CDH13: variants seen among roughly 807,000 people sequenced by gnomAD.
CDH13 encodes cadherin-13.
A neutral mutation model predicts 63.8 loss-of-function variants in CDH13; 24 were observed. That is an observed-to-expected ratio of 0.38 (90% CI 0.27 to 0.53). The LOEUF is 0.53. CDH13 is among the 20% of genes least tolerant of loss of function. The pLI is 0.85. For synonymous variants in CDH13, 503 were observed against 355.3 expected (o/e 1.42, Z -4.67); for missense variants, 1,049 against 903.1 (o/e 1.16, Z -2.07).
chr16:82,758,533 C>T (rs747959283), intron 1 of CDH13, among the ~76,000 whole-genome samples: 2 of 151,748 alleles, frequency 1.3e-5, no homozygotes, highest in Admixed American at 6.6e-5. Context: ...GCTGATTGAG[C>T]GGAGCTGTGC....
rs75529803 is a variant in CDH13 at position 83,239,369 on chromosome 16, A to G, written c.636+21872A>G. On this transcript the variant is annotated intron_variant, in intron 5 of 13. Transcript: ENST00000567109. ...AGAGGGGAAAGCCCTTTCTAAACAC[A>G]GATTATACACCAAAGGCAATTAATA... 4.0e-4 allele frequency among the ~76,000 whole-genome samples: 61 copies of G among 152,314 alleles called. 3 individuals are homozygous for G. In the East Asian group the frequency reaches 0.011, roughly 27 times the overall value.
intron 2 of CDH13, among the ~76,000 whole-genome samples, chr16:83,030,943 TG>T (rs1330977277): frequency 4.0e-5 from 6 of 151,874 alleles, no homozygotes; most frequent in African/African-American, 1.5e-4. Context: ...CTATTCCATA[TG>T]GACTGAGCAT....
At chr16:83,411,694 T>C (rs1429720502) in intron 6 of CDH13, among the ~76,000 whole-genome samples, 2 of 152,222 alleles carry the variant, frequency 1.3e-5, no homozygotes, top group African/African-American at 4.8e-5. Flanking sequence ...TTCTCTGATA[T>C]GTCCCTAGTA....
chr16:83,387,354 C>T (rs917424018), intron 6 of CDH13, among the ~76,000 whole-genome samples: 1 of 152,078 alleles, frequency 6.6e-6, no homozygotes, highest in East Asian at 1.9e-4. Context: ...CAGCAGGTTT[C>T]GGCTCACTTC....
intron 7 of CDH13, among the ~76,000 whole-genome samples, chr16:83,496,617 T>C (rs914014111): frequency 6.6e-5 from 10 of 152,130 alleles, no homozygotes; most frequent in Admixed American, 1.3e-4. Flanking sequence ...ACTTCATGTC[T>C]AAAACACCAA....
intron 3 of CDH13, among the ~76,000 whole-genome samples, chr16:83,111,158 C>T (rs887756362): frequency 1.4e-5 from 2 of 145,722 alleles, no homozygotes; most frequent in African/African-American, 5.1e-5. Context: ...GGCGACAGAG[C>T]GGGACTCCGT....
intron 2 of CDH13, among the ~76,000 whole-genome samples, chr16:82,909,252 A>ATGTGTGTGTG (rs10527714): frequency 0.049 from 7,148 of 146,832 alleles, 235 homozygotes; most frequent in Non-Finnish European, 0.057. Flanking sequence ...CTGACTGTAT[A>ATGTGTGTGTG]TGTGTGTGTG....
chr16:82,792,044 C>T (rs1357479084), intron 1 of CDH13, among the ~76,000 whole-genome samples: 3 of 152,234 alleles, frequency 2.0e-5, no homozygotes, highest in Non-Finnish European at 2.9e-5. Context: ...TTTTGGCACC[C>T]GCTGCTGTCC....
At chr16:82,880,506 G>A (rs1333894998) in intron 2 of CDH13, among the ~76,000 whole-genome samples, 1 of 152,128 alleles carries the variant, frequency 6.6e-6, no homozygotes, top group African/African-American at 2.4e-5. Context: ...GATGGATTTA[G>A]GGAAATGGAA....
chr16:82,879,782 A>G (rs2040629262), intron 2 of CDH13, among the ~76,000 whole-genome samples: 1 of 137,632 alleles, frequency 7.3e-6, no homozygotes, highest in South Asian at 2.2e-4. Flanking sequence ...TATAATATAT[A>G]AGTATATAAA....
intron 7 of CDH13, among the ~76,000 whole-genome samples, chr16:83,584,338 TAAAA>T (rs1905937524): frequency 6.6e-6 from 1 of 152,146 alleles, no homozygotes; most frequent in South Asian, 2.1e-4. Context: ...CAAAAATTTT[TAAAA>T]AATGCATGGT....
At chr16:83,262,433 G>C (rs1466125595) in intron 5 of CDH13, among the ~76,000 whole-genome samples, 1 of 152,176 alleles carries the variant, frequency 6.6e-6, no homozygotes, top group African/African-American at 2.4e-5. Flanking sequence ...CATTTTGTTT[G>C]AAAAGAAGAA....
At chr16:83,131,854 G>A (rs1157033351) in intron 4 of CDH13, among the ~76,000 whole-genome samples, 1 of 152,152 alleles carries the variant, frequency 6.6e-6, no homozygotes, top group African/African-American at 2.4e-5. Context: ...ATGTAACTGG[G>A]CCAAGTGCTG....
intron 10 of CDH13, among the ~76,000 whole-genome samples, chr16:83,720,406 A>G (rs1909534809): frequency 6.6e-6 from 1 of 152,134 alleles, no homozygotes; most frequent in Admixed American, 6.5e-5. Context: ...CCAAGTCAGC[A>G]TTTATTGAGC....
intron 8 of CDH13, among the ~76,000 whole-genome samples, chr16:83,652,264 C>T (rs906794292): frequency 7.9e-5 from 12 of 152,198 alleles, no homozygotes; most frequent in Non-Finnish European, 1.8e-4. Flanking sequence ...TAAGTCAATT[C>T]CGTGTATGAA....
chr16:83,531,715 T>C (rs753681739), intron 7 of CDH13, among the ~76,000 whole-genome samples: 18 of 152,218 alleles, frequency 1.2e-4, no homozygotes, highest in Non-Finnish European at 1.8e-4. Flanking sequence ...ATTCAGTCTC[T>C]AGAAGCAAAA....
chr16:83,132,436 C>A (rs2036093681), intron 4 of CDH13, among the ~76,000 whole-genome samples: 4 of 90,986 alleles, frequency 4.4e-5, no homozygotes, highest in East Asian at 3.8e-4. Flanking sequence ...CCCCCACCCA[C>A]CCCCCAACAC....
chr16:83,305,013 G>C (rs1168820231), intron 5 of CDH13, among the ~76,000 whole-genome samples: 6 of 152,158 alleles, frequency 3.9e-5, no homozygotes, highest in African/African-American at 1.2e-4. Flanking sequence ...AGCCATATAC[G>C]CATTCCCCAC....
intron 1 of CDH13, among the ~76,000 whole-genome samples, chr16:82,704,537 A>G (rs1421237533): frequency 6.6e-6 from 1 of 152,190 alleles, no homozygotes; most frequent in African/African-American, 2.4e-5. Context: ...CAGGCAAATC[A>G]ATAACCACAG....
Sources: allele counts gnomAD v4.1 joint callset (sites outside exome capture counted in the v4.1 genomes callset), GRCh38; gene constraint gnomAD v4.1.1; transcripts MANE v1.5; gene names NCBI Gene and HGNC (gene_info 2026-07-23, HGNC 2026-07-21).